WDR70: variants seen among roughly 807,000 people sequenced by gnomAD.
The protein encoded by WDR70 is WD repeat-containing protein 70.
WDR70 carries 53 observed loss-of-function variants against 88.6 expected under a neutral mutation model. The ratio of observed to expected loss-of-function variants is 0.60; its 90% CI spans 0.48 to 0.75. The LOEUF (loss-of-function observed/expected upper bound fraction) is 0.75, where lower values mean the gene tolerates loss of function less well. Ranked by LOEUF, WDR70 falls within the 30% of genes least tolerant of loss-of-function variation. WDR70 has a pLI of 0.00. For missense variants in WDR70, 610 were observed against 823.2 expected, an observed-to-expected ratio of 0.74 and a Z score of 3.17; for synonymous variants, 280 against 270.0, an observed-to-expected ratio of 1.04 and a Z score of -0.36.
chr5:37,472,238 C>T (rs1739347942), intron 7 of WDR70, among the ~76,000 whole-genome samples: 1 of 151,952 alleles, frequency 6.6e-6, no homozygotes, highest in African/African-American at 2.4e-5. Flanking sequence ...TCACTGAAAA[C>T]AAATATACCC....
chr5:37,665,137 C>G (rs1745800488), intron 10 of WDR70, among the ~76,000 whole-genome samples: 2 of 152,202 alleles, frequency 1.3e-5, no homozygotes, highest in South Asian at 4.1e-4. Flanking sequence ...TCTAATCTAT[C>G]TTTCCTTCAT....
chr5:37,553,971 A>G (rs930594379), intron 9 of WDR70, among the ~76,000 whole-genome samples: 1 of 152,174 alleles, frequency 6.6e-6, no homozygotes, highest in African/African-American at 2.4e-5. Flanking sequence ...TATTGTTAGT[A>G]TTATTGAAAG....
intron 5 of WDR70, among the ~76,000 whole-genome samples, chr5:37,416,610 C>T (rs1212257671): frequency 2.1e-5 from 3 of 143,968 alleles, no homozygotes; most frequent in Non-Finnish European, 3.0e-5. Flanking sequence ...GAGATAGTTT[C>T]CCTGTGTCAC....
At chr5:37,563,832 G>T (rs1182674207) in intron 9 of WDR70, among the ~76,000 whole-genome samples, 5 of 125,062 alleles carry the variant, frequency 4.0e-5, no homozygotes, top group Admixed American at 3.3e-4. Flanking sequence ...GGGCGGAGGG[G>T]CTCCTCACTT....
At chr5:37,384,435 C>T (rs368418729) in intron 3 of WDR70, among the ~76,000 whole-genome samples, 2 of 151,310 alleles carry the variant, frequency 1.3e-5, no homozygotes, top group Non-Finnish European at 2.9e-5. Context: ...TTGGGAGGGG[C>T]GGATCACGAG....
chr5:37,646,037 CTTCCTTCT>C (rs1399828454), intron 10 of WDR70, among the ~76,000 whole-genome samples: 3 of 150,812 alleles, frequency 2.0e-5, no homozygotes, highest in African/African-American at 7.3e-5. Context: ...GTGGTCTTCT[CTTCCTTCT>C]TTCCTTCTTT....
At chr5:37,474,341 A>G (rs1739414245) in intron 7 of WDR70, among the ~76,000 whole-genome samples, 1 of 152,186 alleles carries the variant, frequency 6.6e-6, no homozygotes, top group South Asian at 2.1e-4. Context: ...TGTGGTTCTA[A>G]TCTTCTCTAT....
intron 10 of WDR70, among the ~76,000 whole-genome samples, chr5:37,693,955 T>A (rs1470747284): frequency 6.6e-6 from 1 of 152,192 alleles, no homozygotes; most frequent in Non-Finnish European, 1.5e-5. Context: ...TATCTACCTA[T>A]CTGACGAAGG....
At chr5:37,456,985 C>T (rs1433044084) in intron 7 of WDR70, among the ~76,000 whole-genome samples, 3 of 152,142 alleles carry the variant, frequency 2.0e-5, no homozygotes, top group Admixed American at 2.0e-4. Flanking sequence ...CAGTGAGGTA[C>T]TATGTATTAC....
intron 8 of WDR70, among the ~76,000 whole-genome samples, chr5:37,500,659 TA>T (rs1469603772): frequency 6.6e-6 from 1 of 151,792 alleles, no homozygotes; most frequent in Middle Eastern, 3.2e-3. Context: ...ATTTTGGTTT[TA>T]ATGTGCATTC....
intron 17 of WDR70, among the ~76,000 whole-genome samples, chr5:37,743,688 C>T (rs2112736276): frequency 6.6e-6 from 1 of 152,294 alleles, no homozygotes; most frequent in East Asian, 1.9e-4. Flanking sequence ...CTAACCCTGA[C>T]CTATTCTTCC....
chr5:37,750,588 T>C (rs1748776184), intron 17 of WDR70, among the ~76,000 whole-genome samples: 1 of 152,162 alleles, frequency 6.6e-6, no homozygotes, highest in South Asian at 2.1e-4. Context: ...CATCTTGAAT[T>C]GTAGCTCCCA....
At chr5:37,597,995 G>A (rs1318010453) in intron 9 of WDR70, among the ~76,000 whole-genome samples, 1 of 152,170 alleles carries the variant, frequency 6.6e-6, no homozygotes, top group Non-Finnish European at 1.5e-5. Flanking sequence ...TTATATGTAT[G>A]TAGTGTGAGG....
chr5:37,393,933 C>G (rs1748925850), intron 4 of WDR70, among the ~76,000 whole-genome samples: 1 of 152,110 alleles, frequency 6.6e-6, no homozygotes. Context: ...CCGCTCACCT[C>G]TACCTCGAAA....
chr5:37,679,564 ATGC>A (rs1746355910), intron 10 of WDR70, among the ~76,000 whole-genome samples: 1 of 152,194 alleles, frequency 6.6e-6, no homozygotes, highest in Admixed American at 6.5e-5. Context: ...TGAACCGCGA[ATGC>A]TGCTATCTGA....
chr5:37,699,968 A>G (rs1428964483), intron 11 of WDR70, among the ~76,000 whole-genome samples: 1 of 136,324 alleles, frequency 7.3e-6, no homozygotes, highest in Non-Finnish European at 1.6e-5. Context: ...AAAAACAAAA[A>G]CAAAAACAAA....
intron 8 of WDR70, among the ~76,000 whole-genome samples, chr5:37,488,502 C>CTTTTTTTTTTTTTTTTTTTTTTTCTTT (rs113142236): frequency 7.3e-6 from 1 of 137,532 alleles, no homozygotes; most frequent in Non-Finnish European, 1.5e-5. Context: ...TTGTTCTTTA[C>CTTTTTTTTTTTTTTTTTTTTTTTCTTT]TTTTTTTTTT....
At chr5:37,613,312 G>T (rs1208923962) in intron 10 of WDR70, among the ~76,000 whole-genome samples, 1 of 152,092 alleles carries the variant, frequency 6.6e-6, no homozygotes, top group Admixed American at 6.5e-5. Flanking sequence ...GACAGGAAAG[G>T]CTCTTTTTAA....
In WDR70 at chr5:37,608,081, G is replaced by A. The variant is rs991091378; in HGVS notation, c.1092+2843G>A. Among the ~76,000 whole-genome samples the A allele has an allele frequency of 9.9e-5, 13 of 130,816 alleles. No homozygotes were observed. In the East Asian group the frequency reaches 1.1e-3, roughly 11 times the overall value. 85.8% of individuals were successfully genotyped at this position (130,816 alleles called of 152,430 possible). A position where few individuals can be genotyped will look rare whatever the true frequency, so the allele number is the denominator to read the frequency against. ...TTTTGAGACGGAGTCTTGCTCTGTCGCCCAGGCTGGAGTGCAGTGGCACAA... is the reference window on the plus strand; with the variant it reads ...TTTTGAGACGGAGTCTTGCTCTGTCACCCAGGCTGGAGTGCAGTGGCACAA... On this transcript the variant is annotated intron_variant, in intron 10 of 17. Transcript: ENST00000265107.
Sources: gnomAD v4.1 joint callset for allele counts (sites outside exome capture counted in the v4.1 genomes callset) on GRCh38, gnomAD v4.1.1 for gene constraint, MANE v1.5 for transcripts, NCBI Gene and HGNC (gene_info 2026-07-23, HGNC 2026-07-21) for gene names.